Variants in DCTN4 observed in about 807,000 individuals in gnomAD.
DCTN4 encodes dynactin subunit 4, also known as dynactin 4 (p62).
In DCTN4, 23 loss-of-function variants were observed where a neutral mutation model predicts 62.7. The ratio of observed to expected loss-of-function variants is 0.37; its 90% CI spans 0.26 to 0.52. The LOEUF (loss-of-function observed/expected upper bound fraction) is 0.52, where lower values mean the gene tolerates loss of function less well. Among genes scored for constraint, DCTN4 ranks in the 20% least tolerant of loss-of-function variants. The pLI is 0.92. For synonymous variants in DCTN4, 199 were observed against 202.1 expected, an observed-to-expected ratio of 0.98 and a Z score of 0.13; for missense variants, 514 against 580.4, an observed-to-expected ratio of 0.89 and a Z score of 1.18.
intron 1 of DCTN4, chr5:150,758,021 A>T (rs1752926649): frequency 1.1e-6 from 1 of 924,726 alleles, no homozygotes. Context: ...CATGACATAT[A>T]GCAAGTATCG....
chr5:150,756,413 T>C lies in DCTN4; in HGVS notation c.206+4A>G, dbSNP rs371067369. The C allele has an allele frequency of 8.8e-6, 14 of 1,585,868 alleles. No individual in the cohort carries two copies. The African/African-American group carries it at 9.6e-5, about 11-fold the overall frequency. On this transcript the variant is annotated splice_donor_region_variant and intron_variant, in intron 2 of 12. Coordinates refer to ENST00000447998, the MANE Select transcript of DCTN4 (RefSeq NM_016221.4). The stretch of plus-strand genomic sequence containing the variant: ...AAGAAAAAAAAAATCAGTCCAGGTC[T>C]TACCTATTCTTTTTTAGTTTGGCTT...
At chr5:150,731,318 T>C in intron 6 of DCTN4, 98 bp downstream of exon 6, 2 of 1,149,616 alleles carry the variant, frequency 1.7e-6, no homozygotes, top group Non-Finnish European at 2.6e-6. Context: ...TTCTTTTCCA[T>C]TGACAACTGT....
chr5:150,732,133 GT>G (rs1190752160), intron 5 of DCTN4, among the ~76,000 whole-genome samples: 4 of 152,184 alleles, frequency 2.6e-5, no homozygotes, highest in Non-Finnish European at 5.9e-5. Flanking sequence ...CTTTGCAAGT[GT>G]TAATGTTTTT....
chr5:150,721,732 C>T (rs1295390456), intron 9 of DCTN4, among the ~76,000 whole-genome samples: 1 of 152,118 alleles, frequency 6.6e-6, no homozygotes, highest in Non-Finnish European at 1.5e-5. Context: ...TTCTCTATGC[C>T]TGGGATATTA....
intron 9 of DCTN4, among the ~76,000 whole-genome samples, chr5:150,722,024 C>T (rs906834544): frequency 6.6e-6 from 1 of 151,818 alleles, no homozygotes; most frequent in Non-Finnish European, 1.5e-5. Context: ...TGGGGTCTTA[C>T]TATGTTGTCC....
chr5:150,717,069 A>G (rs956300337), intron 11 of DCTN4, among the ~76,000 whole-genome samples: 2 of 152,196 alleles, frequency 1.3e-5, no homozygotes, highest in East Asian at 1.9e-4. Flanking sequence ...CTAAAGATAT[A>G]GGCATCTTTT....
chr5:150,727,775 CAAAAAAAA>C lies in DCTN4; in HGVS notation c.834+2848_834+2855del, dbSNP rs11292193. 8.5e-5 allele frequency among the ~76,000 whole-genome samples: 7 copies of C among 82,416 alleles called. No homozygotes were observed. The South Asian group carries it at 2.3e-3, about 27-fold the overall frequency. The allele number at this position is 82,416 out of a possible 152,430, so 54.1% of individuals were successfully genotyped here. The stretch of plus-strand genomic sequence containing the variant: ...TGGGCGACAGAGCGAGACTCCGTCT[CAAAAAAAA>C]AAAAAAAAAAAAAACAAAAAACCCA... On this transcript the variant is annotated intron_variant, in intron 8 of 12. Coordinates refer to ENST00000447998, the MANE Select transcript of DCTN4 (RefSeq NM_016221.4).
Position 150,756,651 on chromosome 5 carries a change from T to TTC in DCTN4, c.136-165_136-164insGA, listed in dbSNP as rs397688319. Among the ~76,000 whole-genome samples the TTC allele has an allele frequency of 2.8e-5, 4 of 141,244 alleles. No homozygotes were observed. In the East Asian group the frequency reaches 6.2e-4, roughly 22 times the overall value. 92.7% of individuals were successfully genotyped at this position (141,244 alleles called of 152,430 possible). A position where few individuals can be genotyped will look rare whatever the true frequency, so the allele number is the denominator to read the frequency against. ...TCTTCAGTCACCTGTTTTTTTTTTTTCTTCTTCTTCCGGATTTAAAAAATC... is the reference window on the plus strand; with the variant it reads ...TCTTCAGTCACCTGTTTTTTTTTTTTTCCTTCTTCTTCCGGATTTAAAAAATC... On this transcript the variant is annotated intron_variant, in intron 1 of 12. Transcript: ENST00000447998.
intron 3 of DCTN4, among the ~76,000 whole-genome samples, chr5:150,753,257 A>G (rs1377692357): frequency 6.6e-6 from 1 of 152,256 alleles, no homozygotes; most frequent in Non-Finnish European, 1.5e-5. Flanking sequence ...TACCAGATTT[A>G]TAAAAGCTAT....
intron 7 of DCTN4, 43 bp downstream of exon 7, chr5:150,731,001 T>C (rs1265904725): frequency 6.7e-6 from 8 of 1,186,640 alleles, no homozygotes; most frequent in Admixed American, 1.9e-5. Flanking sequence ...AAAACAGAAT[T>C]AGATGTAGAC....
intron 4 of DCTN4, among the ~76,000 whole-genome samples, chr5:150,738,864 GA>G (rs1760672386): frequency 6.6e-6 from 1 of 152,070 alleles, no homozygotes; most frequent in Non-Finnish European, 1.5e-5. Context: ...GAAAACCCTA[GA>G]GACTTATCCA....
chr5:150,746,211 C>T lies in DCTN4; in HGVS notation c.386-4054G>A, dbSNP rs1433605676. 4.6e-5 allele frequency among the ~76,000 whole-genome samples: 7 copies of T among 152,164 alleles called. No homozygotes were observed. The East Asian group carries it at 1.2e-3, about 25-fold the overall frequency. ...ATCTAGAAGAAATGGATAAATTCCT[C>T]GACATATATACTCTCCCAAGACTAA... On this transcript the variant is annotated intron_variant, in intron 3 of 12. Transcript: ENST00000447998.
At position 150,718,320 on chromosome 5, in the gene DCTN4, C is replaced by T. The variant is rs1759841193; in HGVS notation, c.1027G>A (p.Glu343Lys). 5.0e-6 allele frequency: 8 copies of T among 1,614,016 alleles called. No homozygotes were observed. Among genetic ancestry groups the T allele is most frequent in the South Asian group, 1.1e-5 (1 of 91,070 alleles). ...TCATCAGGGTCCCCCTCCTCACACT[C>T]GAAGAGAGTCACATGGGTGAGGTTC... ...VENLTHVTLF[E>K]CEEGDPDDIN... The change falls in exon 11 of 13, where the codon GAG (glutamate) becomes AAG (lysine). Residue 343 changes from glutamate to lysine, a missense_variant. Transcript: ENST00000447998.
chr5:150,731,332 T>C, intron 6 of DCTN4, 84 bp downstream of exon 6: 2 of 1,182,470 alleles, frequency 1.7e-6, no homozygotes. Context: ...CAACTGTGTG[T>C]GTGTGTGTGT....
chr5:150,754,934 A>G (rs1438138318), intron 2 of DCTN4, among the ~76,000 whole-genome samples: 1 of 150,796 alleles, frequency 6.6e-6, no homozygotes, highest in Non-Finnish European at 1.5e-5. Context: ...CTGCACTTCA[A>G]CCTAGGCGCC....
chr5:150,747,149 A>G (rs942429510), intron 3 of DCTN4, among the ~76,000 whole-genome samples: 41 of 152,282 alleles, frequency 2.7e-4, no homozygotes, highest in African/African-American at 9.9e-4. Flanking sequence ...CCAATAACAG[A>G]CAAACAGAGA....
chr5:150,726,388 C>A (rs1760146297), intron 8 of DCTN4, among the ~76,000 whole-genome samples: 1 of 152,040 alleles, frequency 6.6e-6, no homozygotes, highest in African/African-American at 2.4e-5. Flanking sequence ...CAGGGGAGCT[C>A]ACTTAAGAAG....
At chr5:150,733,253 A>G (rs1340694863) in intron 5 of DCTN4, 115 bp downstream of exon 5, 1 of 637,344 alleles carries the variant, frequency 1.6e-6, no homozygotes, top group African/African-American at 1.8e-5. Context: ...AATTTGAAGA[A>G]TCCCTCTCTC....
chr5:150,729,042 C>CTTTTTTTTTTTTTTTTTTTTT (rs61106544), intron 8 of DCTN4, among the ~76,000 whole-genome samples: 1 of 52,148 alleles, frequency 1.9e-5, no homozygotes, highest in African/African-American at 7.6e-5. Context: ...ACCACACTGG[C>CTTTTTTTTTTTTTTTTTTTTT]TTTTTTTTTT....
Sources: allele counts gnomAD v4.1 joint callset (sites outside exome capture counted in the v4.1 genomes callset), GRCh38; gene constraint gnomAD v4.1.1; transcripts MANE v1.5; gene names NCBI Gene and HGNC (gene_info 2026-07-23, HGNC 2026-07-21).